Variants in TRIM24 observed in about 807,000 individuals in gnomAD.
TRIM24 encodes transcription intermediary factor 1-alpha.
In TRIM24, 29 loss-of-function variants were observed where a neutral mutation model predicts 123.9. The ratio of observed to expected loss-of-function variants is 0.23; its 90% CI spans 0.17 to 0.32. The LOEUF is 0.32. Ranked by LOEUF, TRIM24 falls within the 10% of genes least tolerant of loss-of-function variation. The pLI is 1.00. For synonymous variants in TRIM24, 456 were observed against 461.1 expected (o/e 0.99, Z 0.14); for missense variants, 932 against 1,295.3 (o/e 0.72, Z 4.31).
chr7:138,489,141 G>A (rs991791014), intron 1 of TRIM24, among the ~76,000 whole-genome samples: 3 of 152,096 alleles, frequency 2.0e-5, no homozygotes, highest in Non-Finnish European at 2.9e-5. Context: ...TTGGTTTAAA[G>A]TCTGTTTTAT....
rs112048178 is a variant in TRIM24, at chr7:138,515,404, G to A, written c.631+45G>A. The A allele has an allele frequency of 5.2e-3, 8,193 of 1,587,162 alleles. 37 individuals carry two copies. Among genetic ancestry groups the A allele is most frequent in the Middle Eastern group, 0.014 (82 of 5,864 alleles). On this transcript the variant is annotated intron_variant, in intron 3 of 18. Transcript: ENST00000343526. Reference sequence around the variant, plus strand: ...CATTTTTTTCCTTCTATCTTTCCCCGTCTTTTCTTCCTTCCTGTATTGACT... The same window carrying A: ...CATTTTTTTCCTTCTATCTTTCCCCATCTTTTCTTCCTTCCTGTATTGACT...
At chr7:138,584,705 T>G (rs1466042615) in intron 18 of TRIM24, 37 bp from the exon 19 acceptor site, 1 of 1,497,786 alleles carries the variant, frequency 6.7e-7, no homozygotes, top group Non-Finnish European at 9.0e-7. Flanking sequence ...GTCAAAAGTG[T>G]GTCCTTTTTT....
At chr7:138,535,178 G>A (rs575184077) in intron 6 of TRIM24, among the ~76,000 whole-genome samples, 1 of 152,270 alleles carries the variant, frequency 6.6e-6, no homozygotes, top group Non-Finnish European at 1.5e-5. Context: ...CAATTTGTCA[G>A]TCTGTGTGTT....
chr7:138,471,605 A>G (rs912791193), intron 1 of TRIM24, among the ~76,000 whole-genome samples: 4 of 151,932 alleles, frequency 2.6e-5, no homozygotes, highest in South Asian at 2.1e-4. Flanking sequence ...CAGTGGTGCA[A>G]TCTTGGCTCA....
At chr7:138,543,236 A>C (rs920652343) in intron 7 of TRIM24, among the ~76,000 whole-genome samples, 1 of 152,264 alleles carries the variant, frequency 6.6e-6, no homozygotes, top group Admixed American at 6.5e-5. Flanking sequence ...ATAGTCATCT[A>C]TATGATACAT....
intron 2 of TRIM24, among the ~76,000 whole-genome samples, chr7:138,506,561 A>T (rs1796155370): frequency 6.6e-6 from 1 of 152,268 alleles, no homozygotes; most frequent in Non-Finnish European, 1.5e-5. Flanking sequence ...TTCCTATGAC[A>T]TAAAATGATG....
intron 1 of TRIM24, among the ~76,000 whole-genome samples, chr7:138,491,829 T>C (rs747935223): frequency 1.6e-4 from 24 of 152,202 alleles, no homozygotes; most frequent in Non-Finnish European, 3.1e-4. Flanking sequence ...TTTTTCCTTT[T>C]ATTTATTTAA....
In TRIM24 at chr7:138,589,840, GT is replaced by G. The variant is rs1798075789; in HGVS notation, c.*4893del. Reference sequence around the variant, plus strand: ...TCTTGTAATTTCTGAGAATTACTATGTTTTAAATTTACTATTGGATATTTAA... The same window carrying G: ...TCTTGTAATTTCTGAGAATTACTATGTTTAAATTTACTATTGGATATTTAA... On this transcript the variant is annotated 3_prime_UTR_variant, in exon 19 of 19. Transcript: ENST00000343526. The G allele has an allele frequency of 6.6e-6, 1 of 152,130 alleles. No homozygotes were observed. 9.4% of individuals were successfully genotyped at this position (152,130 alleles called of 1,614,324 possible).
At chr7:138,468,120 A>C (rs1795192109) in intron 1 of TRIM24, among the ~76,000 whole-genome samples, 2 of 152,184 alleles carry the variant, frequency 1.3e-5, no homozygotes, top group Non-Finnish European at 1.5e-5. Flanking sequence ...TTTCACCATT[A>C]ATATGTTAGC....
At chr7:138,468,864 C>T (rs1046495844) in intron 1 of TRIM24, among the ~76,000 whole-genome samples, 1 of 152,184 alleles carries the variant, frequency 6.6e-6, no homozygotes, top group African/African-American at 2.4e-5. Flanking sequence ...CTATATATTC[C>T]ATCTGGTTCA....
intron 1 of TRIM24, among the ~76,000 whole-genome samples, chr7:138,486,662 T>C (rs1244167101): frequency 1.3e-5 from 2 of 152,230 alleles, no homozygotes; most frequent in Middle Eastern, 3.2e-3. Context: ...TCTGATGTTA[T>C]TTCTGAGGCC....
chr7:138,477,246 G>A (rs144822782), intron 1 of TRIM24, among the ~76,000 whole-genome samples: 3,564 of 152,246 alleles, frequency 0.023, 64 homozygotes, highest in Middle Eastern at 0.085. Flanking sequence ...CTTGAACCCA[G>A]GAGGCAGAGG....
At position 138,460,324 on chromosome 7, in the gene TRIM24, G is replaced by C. The variant is rs1036659654; in HGVS notation, c.-225G>C. On this transcript the variant is annotated 5_prime_UTR_variant, in exon 1 of 19. Coordinates refer to ENST00000343526, the MANE Select transcript of TRIM24 (RefSeq NM_015905.3). Reference sequence around the variant, plus strand: ...GTGCAGCCTCCCCGGTGCGAGGAACGGTCTCCGCTGACAGATACCCTCCTT... The same window carrying C: ...GTGCAGCCTCCCCGGTGCGAGGAACCGTCTCCGCTGACAGATACCCTCCTT... 1.7e-5 allele frequency: 7 copies of C among 413,278 alleles called. No homozygotes were observed. The highest frequency in any genetic ancestry group is 4.5e-5 in the Admixed American group (1 of 22,188). The allele number at this position is 413,278 out of a possible 1,614,324, so 25.6% of individuals were successfully genotyped here. A position where few individuals can be genotyped will look rare whatever the true frequency, so the allele number is the denominator to read the frequency against.
intron 1 of TRIM24, among the ~76,000 whole-genome samples, chr7:138,495,137 ATTAT>A (rs898405732): frequency 6.6e-6 from 1 of 152,212 alleles, no homozygotes; most frequent in Non-Finnish European, 1.5e-5. Flanking sequence ...AATAAAAATG[ATTAT>A]TTATAGGGAA....
chr7:138,488,891 C>T (rs1227121873), intron 1 of TRIM24, among the ~76,000 whole-genome samples: 1 of 152,080 alleles, frequency 6.6e-6, no homozygotes, highest in East Asian at 1.9e-4. Flanking sequence ...GAGTTCAAGT[C>T]TTGGATATCC....
intron 1 of TRIM24, among the ~76,000 whole-genome samples, chr7:138,466,519 C>T (rs888203430): frequency 1.8e-5 from 2 of 113,178 alleles, no homozygotes; most frequent in Admixed American, 1.3e-4. Context: ...TACTGGAGTG[C>T]AGTGGCGCCA....
chr7:138,490,932 G>T (rs930324991), intron 1 of TRIM24: 23 of 365,898 alleles, frequency 6.3e-5, no homozygotes, highest in Non-Finnish European at 5.7e-5. Flanking sequence ...CTGATTGTTG[G>T]TTTTTTTAGT....
intron 2 of TRIM24, chr7:138,514,815 CTG>C (rs1170075154): frequency 1.3e-5 from 2 of 158,938 alleles, no homozygotes; most frequent in South Asian, 1.9e-4. Flanking sequence ...GATGAGTACT[CTG>C]TGTAACCTGC....
chr7:138,571,089 G>A (rs927325412), intron 11 of TRIM24, 86 bp downstream of exon 11: 20 of 1,363,130 alleles, frequency 1.5e-5, no homozygotes, highest in Non-Finnish European at 2.1e-5. Flanking sequence ...CAGCACTTTG[G>A]GAGGCTGAGG....
Sources: allele counts gnomAD v4.1 joint callset (sites outside exome capture counted in the v4.1 genomes callset), GRCh38; gene constraint gnomAD v4.1.1; transcripts MANE v1.5; gene names NCBI Gene and HGNC (gene_info 2026-07-23, HGNC 2026-07-21).